PPP3CA: variants seen among roughly 807,000 people sequenced by gnomAD.
PPP3CA encodes CAM-PRP catalytic subunit.
A neutral mutation model predicts 66.5 loss-of-function variants in PPP3CA; 14 were observed. The ratio of observed to expected loss-of-function variants is 0.21; its 90% CI spans 0.14 to 0.33. The LOEUF (loss-of-function observed/expected upper bound fraction) is 0.33, where lower values mean the gene tolerates loss of function less well. Ranked by LOEUF, PPP3CA falls within the 10% of genes least tolerant of loss-of-function variation. The pLI is 1.00. For missense variants in PPP3CA, 317 were observed against 639.5 expected (o/e 0.50, Z 5.44); for synonymous variants, 232 against 226.2 (o/e 1.03, Z -0.23).
chr4:101,237,573 C>T (rs994672906), intron 1 of PPP3CA, among the ~76,000 whole-genome samples: 1 of 152,014 alleles, frequency 6.6e-6, no homozygotes, highest in African/African-American at 2.4e-5. Flanking sequence ...GCTTCTTACT[C>T]TACTGGCTTT....
chr4:101,111,408 C>A (rs1721665324), intron 2 of PPP3CA, among the ~76,000 whole-genome samples: 1 of 152,154 alleles, frequency 6.6e-6, no homozygotes, highest in Non-Finnish European at 1.5e-5. Flanking sequence ...CCTCTCCTTG[C>A]TGCCTAACAG....
At chr4:101,336,383 C>G (rs1208155075) in intron 1 of PPP3CA, among the ~76,000 whole-genome samples, 2 of 151,220 alleles carry the variant, frequency 1.3e-5, no homozygotes, top group Admixed American at 1.3e-4. Flanking sequence ...CCAGCTTGAC[C>G]AACATAGTGA....
At chr4:101,306,444 A>G (rs1165898374) in intron 1 of PPP3CA, among the ~76,000 whole-genome samples, 1 of 152,158 alleles carries the variant, frequency 6.6e-6, no homozygotes, top group East Asian at 1.9e-4. Context: ...ATTGCAGCCA[A>G]GAGAAGAAAG....
chr4:101,154,291 G>A (rs1723238078), intron 2 of PPP3CA, among the ~76,000 whole-genome samples: 1 of 152,132 alleles, frequency 6.6e-6, no homozygotes, highest in African/African-American at 2.4e-5. Context: ...TATTCTACCA[G>A]TGAATAAAAA....
At chr4:101,194,301 A>G (rs186503378) in intron 2 of PPP3CA, among the ~76,000 whole-genome samples, 18 of 152,304 alleles carry the variant, frequency 1.2e-4, no homozygotes, top group Non-Finnish European at 1.9e-4. Context: ...CTGATACTCA[A>G]AAGAGCTTAT....
chr4:101,125,546 T>A (rs977886199), intron 2 of PPP3CA, among the ~76,000 whole-genome samples: 4 of 152,108 alleles, frequency 2.6e-5, no homozygotes, highest in Non-Finnish European at 4.4e-5. Flanking sequence ...CACTCCCTCC[T>A]ACTGGTAGGA....
chr4:101,323,778 C>G (rs1307959405), intron 1 of PPP3CA, among the ~76,000 whole-genome samples: 1 of 152,130 alleles, frequency 6.6e-6, no homozygotes, highest in Non-Finnish European at 1.5e-5. Flanking sequence ...CCCATAACAA[C>G]TCTATAGGTA....
chr4:101,312,186 G>A (rs539443603), intron 1 of PPP3CA, among the ~76,000 whole-genome samples: 2 of 152,110 alleles, frequency 1.3e-5, no homozygotes, highest in African/African-American at 4.8e-5. Flanking sequence ...AAATATACAT[G>A]CATATATGTA....
chr4:101,227,416 A>G (rs939196188), intron 1 of PPP3CA, among the ~76,000 whole-genome samples: 1 of 151,688 alleles, frequency 6.6e-6, no homozygotes, highest in African/African-American at 2.4e-5. Context: ...TTCTTATTCT[A>G]TACTACAGGA....
intron 2 of PPP3CA, among the ~76,000 whole-genome samples, chr4:101,131,487 A>AT (rs1419413856): frequency 6.6e-6 from 1 of 151,756 alleles, no homozygotes; most frequent in Non-Finnish European, 1.5e-5. Flanking sequence ...ACCAACAAAG[A>AT]TAAAAAAAAA....
intron 1 of PPP3CA, among the ~76,000 whole-genome samples, chr4:101,202,843 T>C (rs1431981933): frequency 1.3e-5 from 2 of 152,210 alleles, no homozygotes; most frequent in African/African-American, 4.8e-5. Flanking sequence ...GCTGCTATGA[T>C]GACTTCTTCT....
At chr4:101,294,905 C>T (rs1728150157) in intron 1 of PPP3CA, among the ~76,000 whole-genome samples, 1 of 151,892 alleles carries the variant, frequency 6.6e-6, no homozygotes. Context: ...GTCATGGGTC[C>T]CAAAATACAA....
chr4:101,283,194 A>G (rs1174235355), intron 1 of PPP3CA, among the ~76,000 whole-genome samples: 2 of 152,246 alleles, frequency 1.3e-5, no homozygotes, highest in East Asian at 3.8e-4. Flanking sequence ...GATGGTTTTC[A>G]AACACTTGGT....
chr4:101,163,264 T>C (rs1723578158), intron 2 of PPP3CA, among the ~76,000 whole-genome samples: 1 of 152,138 alleles, frequency 6.6e-6, no homozygotes, highest in Non-Finnish European at 1.5e-5. Flanking sequence ...GATATATTCC[T>C]CTGCTTTTTC....
At chr4:101,219,987 A>T (rs1725572937) in intron 1 of PPP3CA, among the ~76,000 whole-genome samples, 1 of 151,840 alleles carries the variant, frequency 6.6e-6, no homozygotes, top group African/African-American at 2.4e-5. Context: ...ACTTAATCAT[A>T]AGGTTTGATT....
chr4:101,066,311 A>G (rs1194947948), intron 8 of PPP3CA, among the ~76,000 whole-genome samples: 1 of 152,140 alleles, frequency 6.6e-6, no homozygotes, highest in African/African-American at 2.4e-5. Context: ...ACAAGATGGA[A>G]TCTGTCACTA....
intron 1 of PPP3CA, among the ~76,000 whole-genome samples, chr4:101,203,206 T>C (rs1052414944): frequency 3.9e-5 from 6 of 152,284 alleles, no homozygotes; most frequent in Admixed American, 3.3e-4. Context: ...ATTAAATGAA[T>C]TATTCCTCAG....
chr4:101,260,417 C>T (rs1050653525), intron 1 of PPP3CA, among the ~76,000 whole-genome samples: 15 of 152,090 alleles, frequency 9.9e-5, no homozygotes, highest in Non-Finnish European at 1.6e-4. Flanking sequence ...ATTTAAATGA[C>T]CTGATAAAAT....
intron 2 of PPP3CA, among the ~76,000 whole-genome samples, chr4:101,151,321 T>C (rs1248548911): frequency 2.0e-5 from 3 of 152,066 alleles, no homozygotes; most frequent in African/African-American, 7.2e-5. Context: ...TCCCAGCACT[T>C]TGGGAGGCCG....
Sources: allele counts gnomAD v4.1 joint callset (sites outside exome capture counted in the v4.1 genomes callset), GRCh38; gene constraint gnomAD v4.1.1; transcripts MANE v1.5; gene names NCBI Gene and HGNC (gene_info 2026-07-23, HGNC 2026-07-21).